Variants in CTNND2 observed in about 807,000 individuals in gnomAD.
The protein encoded by CTNND2 is catenin delta 2, also known as catenin delta-2.
Under a neutral mutation model 144.4 loss-of-function variants are expected in CTNND2, and 22 were observed. The ratio of observed to expected loss-of-function variants is 0.15; its 90% confidence interval spans 0.11 to 0.22. CTNND2 has a LOEUF of 0.22. CTNND2 is among the 10% of genes least tolerant of loss of function. CTNND2 has a pLI of 1.00. For missense variants in CTNND2, 1,353 were observed against 1,618.8 expected (o/e 0.84, Z 2.82); for synonymous variants, 751 against 695.6 (o/e 1.08, Z -1.25).
intron 12 of CTNND2, among the ~76,000 whole-genome samples, chr5:11,145,845 G>A (rs149522787): frequency 5.9e-4 from 89 of 152,132 alleles, no homozygotes; most frequent in Non-Finnish European, 1.1e-3. Context: ...TCCCCTCTCT[G>A]TCCCTCCCTA....
At chr5:11,499,728 T>A (rs184585670) in intron 3 of CTNND2, among the ~76,000 whole-genome samples, 1 of 152,256 alleles carries the variant, frequency 6.6e-6, no homozygotes, top group East Asian at 1.9e-4. Flanking sequence ...GTCTCAAAGT[T>A]TTTTTTACAG....
intron 7 of CTNND2, among the ~76,000 whole-genome samples, chr5:11,381,662 G>A (rs1758489702): frequency 6.6e-6 from 1 of 152,250 alleles, no homozygotes; most frequent in African/African-American, 2.4e-5. Flanking sequence ...GGCATCACTG[G>A]AATCTAAAAA....
At chr5:11,669,200 A>T (rs1044186325) in intron 2 of CTNND2, among the ~76,000 whole-genome samples, 7 of 152,204 alleles carry the variant, frequency 4.6e-5, no homozygotes, top group African/African-American at 1.7e-4. Flanking sequence ...AGTGATGTTC[A>T]TCAGGGATAT....
intron 2 of CTNND2, among the ~76,000 whole-genome samples, chr5:11,617,659 G>A (rs16901796): frequency 0.018 from 2,746 of 152,236 alleles, 75 homozygotes; most frequent in African/African-American, 0.059. Context: ...AGAGGAATAT[G>A]AGCCAGTTTG....
At chr5:11,680,515 G>A (rs1784380603) in intron 2 of CTNND2, among the ~76,000 whole-genome samples, 1 of 152,134 alleles carries the variant, frequency 6.6e-6, no homozygotes, top group Non-Finnish European at 1.5e-5. Context: ...TGGCCTGAAT[G>A]GGAAGAATGC....
intron 10 of CTNND2, among the ~76,000 whole-genome samples, chr5:11,213,238 C>T (rs2149849421): frequency 6.6e-6 from 1 of 152,166 alleles, no homozygotes; most frequent in South Asian, 2.1e-4. Context: ...GCTCGGCCTC[C>T]ACAATCAGAG....
intron 1 of CTNND2, among the ~76,000 whole-genome samples, chr5:11,871,746 A>C (rs1398442201): frequency 2.0e-5 from 3 of 152,174 alleles, no homozygotes; most frequent in Non-Finnish European, 1.5e-5. Flanking sequence ...AACTCTTCAC[A>C]ACTTATTGTG....
intron 3 of CTNND2, among the ~76,000 whole-genome samples, chr5:11,471,608 T>C (rs1468967150): frequency 6.6e-6 from 1 of 152,222 alleles, no homozygotes; most frequent in African/African-American, 2.4e-5. Flanking sequence ...CTAATTAGTG[T>C]GTCCTCTCTA....
At chr5:11,701,338 T>C (rs1162587497) in intron 2 of CTNND2, among the ~76,000 whole-genome samples, 1 of 152,180 alleles carries the variant, frequency 6.6e-6, no homozygotes, top group East Asian at 1.9e-4. Context: ...TTTCAACCAG[T>C]CTGCTGGATA....
chr5:11,598,844 C>A (rs1404020186), intron 2 of CTNND2, among the ~76,000 whole-genome samples: 1 of 152,076 alleles, frequency 6.6e-6, no homozygotes, highest in Non-Finnish European at 1.5e-5. Context: ...TTAGTGCATT[C>A]TCACGCTGCT....
rs952305132 is a variant in CTNND2, at chr5:11,639,982, T to C, written c.175-74926A>G. Among the ~76,000 whole-genome samples, 74 of 152,168 alleles carry C rather than the reference T, an allele frequency of 4.9e-4. 1 individual carries two copies. Among genetic ancestry groups the C allele is most frequent in the Admixed American group, 4.8e-3 (74 of 15,266 alleles). On this transcript the variant is annotated intron_variant, in intron 2 of 21. Transcript: ENST00000304623. ...TTCTCAAGTGTTAACCATGCCTAAG[T>C]AGAAACTTGCAGAGGAAAATTTCTT... is the stretch of plus-strand genomic sequence containing the variant.
At chr5:11,397,764 T>C (rs1170980727) in intron 5 of CTNND2, among the ~76,000 whole-genome samples, 1 of 152,230 alleles carries the variant, frequency 6.6e-6, no homozygotes, top group Non-Finnish European at 1.5e-5. Context: ...TAATCCCTGA[T>C]GACTGGTTAC....
chr5:11,622,650 G>A (rs1240021633), intron 2 of CTNND2, among the ~76,000 whole-genome samples: 2 of 152,120 alleles, frequency 1.3e-5, no homozygotes, highest in East Asian at 3.9e-4. Context: ...AGAAAAACAC[G>A]ATCTTACAGA....
At chr5:11,486,444 C>G (rs1360083043) in intron 3 of CTNND2, among the ~76,000 whole-genome samples, 1 of 152,202 alleles carries the variant, frequency 6.6e-6, no homozygotes, top group Non-Finnish European at 1.5e-5. Context: ...TTGGCAGAAA[C>G]TTTCAGAAAA....
intron 3 of CTNND2, among the ~76,000 whole-genome samples, chr5:11,427,203 G>A (rs1399594218): frequency 6.6e-6 from 1 of 151,174 alleles, no homozygotes; most frequent in African/African-American, 2.4e-5. Context: ...GACGAGTTGA[G>A]AGCAAGACAG....
intron 1 of CTNND2, among the ~76,000 whole-genome samples, chr5:11,879,369 ACACACAAAC>A (rs1735854062): frequency 1.4e-5 from 2 of 138,190 alleles, no homozygotes; most frequent in Admixed American, 7.3e-5. Context: ...ATATACACAC[ACACACAAAC>A]ATATACATAC....
intron 20 of CTNND2, among the ~76,000 whole-genome samples, chr5:10,985,213 G>C (rs1216716624): frequency 6.6e-6 from 1 of 152,246 alleles, no homozygotes; most frequent in African/African-American, 2.4e-5. Flanking sequence ...ACCTCCAGGT[G>C]AATTTAAAAC....
intron 18 of CTNND2, among the ~76,000 whole-genome samples, chr5:10,999,393 G>C (rs1254941992): frequency 1.3e-5 from 2 of 152,068 alleles, no homozygotes; most frequent in African/African-American, 4.8e-5. Flanking sequence ...GACTTCTTTT[G>C]TGAATTCTGT....
At chr5:10,985,871 A>T (rs1301567200) in intron 20 of CTNND2, among the ~76,000 whole-genome samples, 1 of 152,132 alleles carries the variant, frequency 6.6e-6, no homozygotes, top group Non-Finnish European at 1.5e-5. Flanking sequence ...GGACTTATTC[A>T]TACCACTACT....
Sources: gnomAD v4.1 joint callset for allele counts (sites outside exome capture counted in the v4.1 genomes callset) on GRCh38, gnomAD v4.1.1 for gene constraint, MANE v1.5 for transcripts, NCBI Gene and HGNC (gene_info 2026-07-23, HGNC 2026-07-21) for gene names.